The following NOX4 variants were observed in gnomAD, a reference collection of about 807,000 sequenced individuals.
NOX4 encodes the protein kidney oxidase-1.
NOX4 carries 69 observed loss-of-function variants against 87.6 expected under a neutral mutation model. The observed-to-expected ratio is 0.79, with a 90% CI of 0.65 to 0.96. The LOEUF is 0.96. Among genes scored for constraint, NOX4 ranks in the 40% least tolerant of loss-of-function variants. The pLI is 0.00. For synonymous variants in NOX4, 275 were observed against 238.2 expected (o/e 1.15, Z -1.42); for missense variants, 680 against 681.5 (o/e 1.00, Z 0.02).
intron 7 of NOX4, among the ~76,000 whole-genome samples, chr11:89,431,715 G>A (rs1943793077): frequency 1.3e-5 from 2 of 152,186 alleles, no homozygotes; most frequent in African/African-American, 4.8e-5. Flanking sequence ...GTGCTGGAGA[G>A]GATGTGGAGA....
At chr11:89,405,103 T>TGTGTGTGTGTGTGTGTGC (rs1555016991) in intron 8 of NOX4, among the ~76,000 whole-genome samples, 1 of 151,556 alleles carries the variant, frequency 6.6e-6, no homozygotes, top group African/African-American at 2.4e-5. Context: ...TGTGTGTGTG[T>TGTGTGTGTGTGTGTGTGC]GTGTGTGTGT....
the NOX4 span, among the ~76,000 whole-genome samples, chr11:89,521,442 T>C: frequency 6.6e-6 from 1 of 152,114 alleles, no homozygotes; most frequent in Admixed American, 6.6e-5. Context: ...AAGGGCTCCA[T>C]ATTCAATAAA....
At chr11:89,412,922 C>T (rs1942556627) in intron 8 of NOX4, among the ~76,000 whole-genome samples, 1 of 152,046 alleles carries the variant, frequency 6.6e-6, no homozygotes, top group Admixed American at 6.6e-5. Context: ...TATTTGCAAA[C>T]TATCCATCTG....
At chr11:89,589,473 C>T in the NOX4 span, 1 of 152,164 alleles carries the variant, frequency 6.6e-6, no homozygotes, top group African/African-American at 2.4e-5. Context: ...CTCTTCGAAT[C>T]CAGCAGGCAT....
chr11:89,495,929 G>A (rs1027231095), upstream of NOX4, among the ~76,000 whole-genome samples: 1 of 152,172 alleles, frequency 6.6e-6, no homozygotes, highest in Admixed American at 6.5e-5. Context: ...GAAGAGAAAA[G>A]AGGAACCTAG....
intron 2 of NOX4, among the ~76,000 whole-genome samples, chr11:89,466,607 T>G (rs1022125529): frequency 5.3e-5 from 8 of 152,220 alleles, no homozygotes; most frequent in African/African-American, 1.9e-4. Flanking sequence ...GCACATATTT[T>G]GGGACACTAG....
intron 2 of NOX4, among the ~76,000 whole-genome samples, chr11:89,465,660 A>ATGAT (rs1945655087): frequency 6.6e-6 from 1 of 152,078 alleles, no homozygotes. Context: ...TGACTTTTTA[A>ATGAT]TGATTGACAT....
the NOX4 span, among the ~76,000 whole-genome samples, chr11:89,575,102 A>G: frequency 2.0e-5 from 3 of 152,008 alleles, no homozygotes; most frequent in Non-Finnish European, 4.4e-5. Flanking sequence ...AGAATTGCTT[A>G]AACCCAGGAG....
chr11:89,416,057 T>G (rs1942750971), intron 8 of NOX4, among the ~76,000 whole-genome samples: 1 of 152,106 alleles, frequency 6.6e-6, no homozygotes, highest in Admixed American at 6.6e-5. Context: ...AAACAGTGCA[T>G]TAGCCTCTCT....
At chr11:89,553,811 A>T in the NOX4 span, among the ~76,000 whole-genome samples, 2 of 152,006 alleles carry the variant, frequency 1.3e-5, no homozygotes, top group Admixed American at 6.6e-5. Flanking sequence ...TCTTTACCAG[A>T]TAACTGGGGT....
rs187738570 is a variant in NOX4, at chr11:89,426,044, C to G, written c.549-4062G>C. On this transcript the variant is annotated intron_variant, in intron 7 of 17. Coordinates refer to ENST00000263317, the MANE Select transcript of NOX4 (RefSeq NM_016931.5). Reference sequence around the variant, plus strand: ...AACTGAATGTGTCCATTAGAAAGGACATGTGAAAGTGCTCCTGATAATGTG... The same window carrying G: ...AACTGAATGTGTCCATTAGAAAGGAGATGTGAAAGTGCTCCTGATAATGTG... 1.9e-4 allele frequency among the ~76,000 whole-genome samples: 29 copies of G among 152,162 alleles called. 1 individual carries two copies. In the East Asian group the frequency reaches 5.0e-3, roughly 26 times the overall value.
Position 89,340,181 on chromosome 11 carries a change from G to T in NOX4, c.1338-10C>A. 1 of 1,517,114 alleles carries T rather than the reference G, an allele frequency of 6.6e-7. No homozygotes were observed. Among genetic ancestry groups the T allele is most frequent in the Non-Finnish European group, 9.1e-7 (1 of 1,101,174 alleles). The allele number at this position is 1,517,114 out of a possible 1,614,324, so 94.0% of individuals were successfully genotyped here. ...TGGTTTCCAGTCATCCCTTTAAAAT[G>T]AAAATAACATGATAGTGATTAGGAT... is the stretch of plus-strand genomic sequence containing the variant. On this transcript the variant is annotated splice_polypyrimidine_tract_variant and intron_variant, in intron 14 of 17. Transcript: ENST00000263317.
chr11:89,531,860 G>A, the NOX4 span, among the ~76,000 whole-genome samples: 1 of 152,232 alleles, frequency 6.6e-6, no homozygotes, highest in Non-Finnish European at 1.5e-5. Flanking sequence ...CTGGGGACAG[G>A]ATGCCCTGTG....
At position 89,415,340 on chromosome 11, in the gene NOX4, G is replaced by GA. The variant is rs112368212; in HGVS notation, c.629+6561dup. ...TCTTTTTCCAGTAGCCTTCATGGAAGAAAAAAAATGCCCCAGTGGCTTTTA... is the reference window on the plus strand; with the variant it reads ...TCTTTTTCCAGTAGCCTTCATGGAAGAAAAAAAAATGCCCCAGTGGCTTTTA... On this transcript the variant is annotated intron_variant, in intron 8 of 17. Transcript: ENST00000263317. Among the ~76,000 whole-genome samples, 43 of 151,694 alleles carry GA rather than the reference G, an allele frequency of 2.8e-4. 1 individual carries two copies. The highest frequency in any genetic ancestry group is 8.4e-4 in the African/African-American group (35 of 41,434).
At chr11:89,527,390 G>A in the NOX4 span, among the ~76,000 whole-genome samples, 1 of 152,206 alleles carries the variant, frequency 6.6e-6, no homozygotes. Flanking sequence ...GCAGAAATGT[G>A]CATAAGTAAT....
At chr11:89,519,374 A>G in the NOX4 span, among the ~76,000 whole-genome samples, 1 of 152,084 alleles carries the variant, frequency 6.6e-6, no homozygotes, top group African/African-American at 2.4e-5. Flanking sequence ...ATGTAACCAA[A>G]CAACCCTAGG....
At chr11:89,422,817 TGA>T (rs1943156683) in intron 7 of NOX4, among the ~76,000 whole-genome samples, 1 of 130,652 alleles carries the variant, frequency 7.7e-6, no homozygotes, top group Non-Finnish European at 1.7e-5. Flanking sequence ...TTTTTTTTTT[TGA>T]GATGCAGTCT....
intron 11 of NOX4, among the ~76,000 whole-genome samples, chr11:89,375,564 TC>T (rs1939776319): frequency 6.6e-6 from 1 of 152,134 alleles, no homozygotes; most frequent in Admixed American, 6.5e-5. Context: ...CACCTCAACC[TC>T]CCAAACTGCT....
the NOX4 span, among the ~76,000 whole-genome samples, chr11:89,573,246 T>C: frequency 1.7e-3 from 265 of 152,332 alleles, 2 homozygotes; most frequent in Middle Eastern, 6.8e-3. Context: ...CTTTAAGAAC[T>C]GATGCTTTTG....
Sources: allele counts gnomAD v4.1 joint callset (sites outside exome capture counted in the v4.1 genomes callset), GRCh38; gene constraint gnomAD v4.1.1; transcripts MANE v1.5; gene names NCBI Gene and HGNC (gene_info 2026-07-23, HGNC 2026-07-21).